The following FSIP1 variants were observed in gnomAD, a reference collection of about 807,000 sequenced individuals.
FSIP1 encodes fibrous sheath-interacting protein 1.
A neutral mutation model predicts 60.9 loss-of-function variants in FSIP1; 65 were observed. That is an observed-to-expected ratio of 1.07 (90% CI 0.87 to 1.31). FSIP1 has a LOEUF of 1.31. FSIP1 is among the 40% of genes most tolerant of loss of function. The probability of loss-of-function intolerance (pLI) is 0.00; values close to 1 mark genes in which losing one functional copy is unlikely to be tolerated. For synonymous variants in FSIP1, 209 were observed against 221.2 expected, an observed-to-expected ratio of 0.94 and a Z score of 0.49; for missense variants, 675 against 665.5, an observed-to-expected ratio of 1.01 and a Z score of -0.16.
intron 9 of FSIP1, among the ~76,000 whole-genome samples, chr15:39,723,258 C>G (rs1595663127): frequency 6.6e-6 from 1 of 152,062 alleles, no homozygotes; most frequent in African/African-American, 2.4e-5. Context: ...AAACAGAGTC[C>G]CGCTCTGTCC....
At chr15:39,625,254 C>G (rs758068267) in intron 10 of FSIP1, among the ~76,000 whole-genome samples, 1 of 152,178 alleles carries the variant, frequency 6.6e-6, no homozygotes, top group Non-Finnish European at 1.5e-5. Flanking sequence ...AGGATCCAAG[C>G]TTTCTGTTTC....
At chr15:39,712,339 T>C (rs1895551562) in intron 10 of FSIP1, among the ~76,000 whole-genome samples, 1 of 152,100 alleles carries the variant, frequency 6.6e-6, no homozygotes, top group African/African-American at 2.4e-5. Context: ...GTTTACTCCA[T>C]GGTGCAGCAT....
chr15:39,615,499 C>A (rs1423929289), intron 11 of FSIP1, among the ~76,000 whole-genome samples: 2 of 150,968 alleles, frequency 1.3e-5, no homozygotes, highest in African/African-American at 4.9e-5. Flanking sequence ...CCAACAGGTT[C>A]ATGAAAAAAT....
At chr15:39,656,369 T>C (rs926034592) in intron 10 of FSIP1, among the ~76,000 whole-genome samples, 2 of 152,202 alleles carry the variant, frequency 1.3e-5, no homozygotes, top group African/African-American at 4.8e-5. Flanking sequence ...CCAATGAAAG[T>C]AAAACCAAAA....
At chr15:39,687,113 CCTTT>C (rs368119416) in intron 10 of FSIP1, among the ~76,000 whole-genome samples, 2 of 146,434 alleles carry the variant, frequency 1.4e-5, no homozygotes, top group South Asian at 2.2e-4. Context: ...TGCCCTTTCA[CCTTT>C]CTTTCTTTCT....
intron 10 of FSIP1, among the ~76,000 whole-genome samples, chr15:39,652,672 C>G (rs1892919439): frequency 6.6e-6 from 1 of 152,124 alleles, no homozygotes; most frequent in East Asian, 1.9e-4. Context: ...TTCTCAAACA[C>G]TTTTTTCTAA....
chr15:39,739,592 T>C (rs1214415061), intron 7 of FSIP1, 73 bp downstream of exon 7: 1 of 1,346,714 alleles, frequency 7.4e-7, no homozygotes, highest in East Asian at 2.4e-5. Context: ...TTAAAGACAC[T>C]GAACAAAACT....
Position 39,782,762 on chromosome 15 carries a change from C to T in FSIP1, c.-142G>A, listed in dbSNP as rs1214322222. 1.3e-5 allele frequency: 2 copies of T among 152,410 alleles called. No homozygotes were observed. The highest frequency in any genetic ancestry group is 6.5e-5 in the Admixed American group (1 of 15,284). The allele number at this position is 152,410 out of a possible 1,614,324, so 9.4% of individuals were successfully genotyped here. A position where few individuals can be genotyped will look rare whatever the true frequency, so the allele number is the denominator to read the frequency against. Reference sequence around the variant, plus strand: ...GGGGTCTCTCCCGCCACCTCAGCCTCTCTGGTAGTGGAAGAAGCCGCCGGT... The same window carrying T: ...GGGGTCTCTCCCGCCACCTCAGCCTTTCTGGTAGTGGAAGAAGCCGCCGGT... On this transcript the variant is annotated 5_prime_UTR_variant, in exon 1 of 12. Coordinates refer to ENST00000350221, the MANE Select transcript of FSIP1 (RefSeq NM_152597.5).
At chr15:39,649,313 T>C (rs549426282) in intron 10 of FSIP1, among the ~76,000 whole-genome samples, 118 of 152,316 alleles carry the variant, frequency 7.7e-4, no homozygotes, top group Admixed American at 3.2e-3. Context: ...TATCCTAAAT[T>C]TCACATCCTG....
At chr15:39,674,108 G>A (rs377219533) in intron 10 of FSIP1, among the ~76,000 whole-genome samples, 143 of 151,048 alleles carry the variant, frequency 9.5e-4, no homozygotes, top group Middle Eastern at 3.4e-3. Context: ...AGGCTGGAGT[G>A]CAGTGGCGCG....
intron 3 of FSIP1, among the ~76,000 whole-genome samples, chr15:39,766,272 T>C (rs538680936): frequency 1.2e-4 from 18 of 152,362 alleles, no homozygotes; most frequent in African/African-American, 4.3e-4. Context: ...GTAGCTTGTA[T>C]CTTTTTTCTA....
chr15:39,698,176 TATAAA>T (rs1894899050), intron 10 of FSIP1, among the ~76,000 whole-genome samples: 1 of 109,528 alleles, frequency 9.1e-6, no homozygotes, highest in Non-Finnish European at 2.1e-5. Context: ...TATATATATA[TATAAA>T]ATATTAATTG....
chr15:39,636,989 C>T (rs1892165057), intron 10 of FSIP1, among the ~76,000 whole-genome samples: 1 of 152,154 alleles, frequency 6.6e-6, no homozygotes, highest in African/African-American at 2.4e-5. Context: ...CATTCCTATG[C>T]AATTGTTGCA....
At chr15:39,648,656 C>G (rs114341806) in intron 10 of FSIP1, among the ~76,000 whole-genome samples, 1,754 of 152,106 alleles carry the variant, frequency 0.012, 44 homozygotes, top group African/African-American at 0.04. Context: ...ACATTGGTGC[C>G]CAAAAGTAAA....
At chr15:39,631,876 T>A (rs1006043175) in intron 10 of FSIP1, among the ~76,000 whole-genome samples, 1 of 152,190 alleles carries the variant, frequency 6.6e-6, no homozygotes, top group Non-Finnish European at 1.5e-5. Flanking sequence ...TTTATTTAAA[T>A]AAATATTTCA....
At chr15:39,760,378 A>G (rs777445554) in intron 5 of FSIP1, among the ~76,000 whole-genome samples, 7 of 152,180 alleles carry the variant, frequency 4.6e-5, no homozygotes, top group African/African-American at 2.4e-5. Context: ...AAAAGAAAAA[A>G]ATAGTAATTT....
At chr15:39,645,322 A>T (rs915370566) in intron 10 of FSIP1, among the ~76,000 whole-genome samples, 5 of 152,196 alleles carry the variant, frequency 3.3e-5, no homozygotes, top group Non-Finnish European at 7.4e-5. Context: ...TGCACACTCC[A>T]TGGAGCCAGT....
At chr15:39,671,555 A>G (rs1265919504) in intron 10 of FSIP1, among the ~76,000 whole-genome samples, 1 of 152,132 alleles carries the variant, frequency 6.6e-6, no homozygotes, top group Admixed American at 6.5e-5. Context: ...CGCAACCACC[A>G]AATTTTAGTG....
intron 10 of FSIP1, among the ~76,000 whole-genome samples, chr15:39,633,199 C>T (rs957214137): frequency 2.1e-4 from 32 of 150,924 alleles, no homozygotes; most frequent in Admixed American, 1.2e-3. Context: ...CAACCATTCT[C>T]CTACCTCAGC....
Sources: allele counts gnomAD v4.1 joint callset (sites outside exome capture counted in the v4.1 genomes callset), GRCh38; gene constraint gnomAD v4.1.1; transcripts MANE v1.5; gene names NCBI Gene and HGNC (gene_info 2026-07-23, HGNC 2026-07-21).